The following MALRD1 variants were observed in gnomAD, a reference collection of about 807,000 sequenced individuals.
The protein encoded by MALRD1 is MAM and LDL receptor class A domain containing 1.
Under a neutral mutation model 242.1 loss-of-function variants are expected in MALRD1, and 247 were observed. The observed-to-expected ratio is 1.02, with a 90% CI of 0.92 to 1.13. The LOEUF (loss-of-function observed/expected upper bound fraction) is 1.13, where lower values mean the gene tolerates loss of function less well. Among genes scored for constraint, MALRD1 ranks in the 50% most tolerant of loss-of-function variants. The pLI is 0.00. For missense variants in MALRD1, 2,989 were observed against 2,533.1 expected, an observed-to-expected ratio of 1.18 and a Z score of -3.86; for synonymous variants, 995 against 866.6, an observed-to-expected ratio of 1.15 and a Z score of -2.60.
At chr10:19,175,369 A>C in intron 14 of MALRD1, 41 bp downstream of exon 14, 1 of 1,217,590 alleles carries the variant, frequency 8.2e-7, no homozygotes, top group Non-Finnish European at 1.0e-6. Context: ...TAAACATTGA[A>C]TTAAGCTCTT....
At chr10:19,633,685 C>G (rs1015093392) in intron 36 of MALRD1, 1 of 151,832 alleles carries the variant, frequency 6.6e-6, no homozygotes, top group South Asian at 2.1e-4. Flanking sequence ...TTTTTTTAAG[C>G]CTACAGCACA....
At chr10:19,332,120 G>T (rs1355854085) in intron 24 of MALRD1, among the ~76,000 whole-genome samples, 2 of 151,206 alleles carry the variant, frequency 1.3e-5, no homozygotes, top group Non-Finnish European at 2.9e-5. Flanking sequence ...TGCCTTGGCT[G>T]CCCAGAGTGC....
intron 33 of MALRD1, among the ~76,000 whole-genome samples, chr10:19,571,972 A>C (rs996800939): frequency 6.6e-6 from 1 of 152,180 alleles, no homozygotes; most frequent in Non-Finnish European, 1.5e-5. Context: ...ACCTCGTATT[A>C]GGTGTTTTGT....
At chr10:19,114,074 A>T (rs1836786506) in intron 5 of MALRD1, among the ~76,000 whole-genome samples, 1 of 152,222 alleles carries the variant, frequency 6.6e-6, no homozygotes, top group Non-Finnish European at 1.5e-5. Context: ...TTCCATAAAA[A>T]AGCAGATTTA....
chr10:19,506,133 C>T (rs1014861867), intron 31 of MALRD1, among the ~76,000 whole-genome samples: 2 of 152,190 alleles, frequency 1.3e-5, no homozygotes. Flanking sequence ...TCCAAAGCAC[C>T]TGCTATTCAT....
chr10:19,365,163 G>A (rs537355644), intron 26 of MALRD1, among the ~76,000 whole-genome samples: 13 of 151,986 alleles, frequency 8.6e-5, no homozygotes, highest in Non-Finnish European at 1.5e-4. Context: ...GAAATAAAAT[G>A]AAAAGGAAAA....
chr10:19,545,438 A>G (rs752034623), intron 32 of MALRD1, among the ~76,000 whole-genome samples: 1 of 152,132 alleles, frequency 6.6e-6, no homozygotes, highest in Non-Finnish European at 1.5e-5. Context: ...TCTATATTGG[A>G]AAGATTGGTT....
intron 29 of MALRD1, among the ~76,000 whole-genome samples, chr10:19,477,722 A>G (rs1181762235): frequency 6.6e-6 from 1 of 152,212 alleles, no homozygotes; most frequent in Non-Finnish European, 1.5e-5. Context: ...ACCAGATTTC[A>G]TAGATAAGCT....
At chr10:19,381,562 T>A (rs1053518942) in intron 26 of MALRD1, among the ~76,000 whole-genome samples, 5 of 151,844 alleles carry the variant, frequency 3.3e-5, no homozygotes, top group Non-Finnish European at 7.4e-5. Context: ...GCACGGTGGC[T>A]CACGCTTGTA....
intron 13 of MALRD1, among the ~76,000 whole-genome samples, chr10:19,174,971 A>T (rs1835169835): frequency 6.6e-6 from 1 of 152,142 alleles, no homozygotes; most frequent in African/African-American, 2.4e-5. Context: ...ACTCGTGATG[A>T]ATGTTACCAC....
At chr10:19,222,558 A>G (rs12414157) in intron 18 of MALRD1, among the ~76,000 whole-genome samples, 23,062 of 152,192 alleles carry the variant, frequency 0.15, 1,794 homozygotes, top group Admixed American at 0.2. Context: ...TAACTATACC[A>G]TCAAATACCA....
At chr10:19,228,199 T>C (rs368751496) in intron 18 of MALRD1, among the ~76,000 whole-genome samples, 6 of 152,286 alleles carry the variant, frequency 3.9e-5, no homozygotes, top group African/African-American at 1.4e-4. Context: ...CAGTTGTATA[T>C]GGAGTACCAC....
At chr10:19,158,096 T>G (rs771131302) in intron 12 of MALRD1, among the ~76,000 whole-genome samples, 1 of 152,240 alleles carries the variant, frequency 6.6e-6, no homozygotes, top group Non-Finnish European at 1.5e-5. Flanking sequence ...AAAGCTATTC[T>G]ATCTTACTGC....
At chr10:19,596,412 T>C (rs991391522) in intron 34 of MALRD1, among the ~76,000 whole-genome samples, 1 of 152,106 alleles carries the variant, frequency 6.6e-6, no homozygotes, top group Non-Finnish European at 1.5e-5. Flanking sequence ...TAAAAGGCAG[T>C]TTGAAATGTA....
intron 5 of MALRD1, among the ~76,000 whole-genome samples, chr10:19,118,562 A>T (rs535497916): frequency 6.6e-6 from 1 of 152,358 alleles, no homozygotes; most frequent in Non-Finnish European, 1.5e-5. Context: ...GTAGAGACCA[A>T]GGTTTTATCA....
chr10:19,593,256 T>G (rs1837912442), intron 33 of MALRD1, among the ~76,000 whole-genome samples: 1 of 152,148 alleles, frequency 6.6e-6, no homozygotes, highest in Non-Finnish European at 1.5e-5. Flanking sequence ...AGTCATACAT[T>G]TATCTCTCTC....
At chr10:19,272,473 C>T (rs1840295164) in intron 19 of MALRD1, among the ~76,000 whole-genome samples, 1 of 151,942 alleles carries the variant, frequency 6.6e-6, no homozygotes, top group African/African-American at 2.4e-5. Flanking sequence ...ACCAAAGTGG[C>T]CCTTTAAAAG....
Position 19,171,497 on chromosome 10 carries a change from T to C in MALRD1, c.1831-3711T>C, listed in dbSNP as rs61032093. Among the ~76,000 whole-genome samples the C allele has an allele frequency of 6.6e-4, 91 of 138,192 alleles. 1 individual carries two copies. Among genetic ancestry groups the C allele is most frequent in the African/African-American group, 1.3e-3 (45 of 34,540 alleles). The allele number at this position is 138,192 out of a possible 152,430, so 90.7% of individuals were successfully genotyped here. On this transcript the variant is annotated intron_variant, in intron 13 of 39. Coordinates refer to ENST00000454679, the MANE Select transcript of MALRD1 (RefSeq NM_001142308.3). ...ACACACACACATATATACACACACATATATATGTGTCTATGTGTGTATATA... is the reference window on the plus strand; with the variant it reads ...ACACACACACATATATACACACACACATATATGTGTCTATGTGTGTATATA...
At position 19,115,083 on chromosome 10, in the gene MALRD1, C is replaced by G. The variant is rs556975092; in HGVS notation, c.695-8409C>G. Among the ~76,000 whole-genome samples the G allele has an allele frequency of 2.0e-5, 3 of 152,250 alleles. No individual in the cohort carries two copies. The East Asian group carries it at 5.8e-4, about 29-fold the overall frequency. On this transcript the variant is annotated intron_variant, in intron 5 of 39. Transcript: ENST00000454679. ...AGGAATTTTGGGAGGCATGATTTAG[C>G]CCATAATAACCAAGTTCCAGACAAC...
Sources: allele counts gnomAD v4.1 joint callset (sites outside exome capture counted in the v4.1 genomes callset), GRCh38; gene constraint gnomAD v4.1.1; transcripts MANE v1.5; gene names NCBI Gene and HGNC (gene_info 2026-07-23, HGNC 2026-07-21).